Variants in DERA observed in about 807,000 individuals in gnomAD.
DERA encodes the protein 2-deoxy-D-ribose 5-phosphate aldolase.
DERA carries 15 observed loss-of-function variants against 41.1 expected under a neutral mutation model. The ratio of observed to expected loss-of-function variants is 0.37; its 90% CI spans 0.24 to 0.56. The LOEUF is 0.56. Ranked by LOEUF, DERA falls within the 20% of genes least tolerant of loss-of-function variation. The pLI is 0.81. For synonymous variants in DERA, 139 were observed against 137.4 expected, an observed-to-expected ratio of 1.01 and a Z score of -0.08; for missense variants, 396 against 403.4, an observed-to-expected ratio of 0.98 and a Z score of 0.16.
intron 1 of DERA, among the ~76,000 whole-genome samples, chr12:15,925,883 A>G (rs1249969377): frequency 7.2e-6 from 1 of 138,394 alleles, no homozygotes; most frequent in African/African-American, 2.8e-5. Context: ...GCTGGAGTAC[A>G]ATGGCACGAT....
Position 15,959,408 on chromosome 12 carries a change from C to A in DERA, c.278-421C>A, listed in dbSNP as rs554782555. Among the ~76,000 whole-genome samples, 62 of 152,270 alleles carry A rather than the reference C, an allele frequency of 4.1e-4. No individual in the cohort carries two copies. Among genetic ancestry groups the A allele is most frequent in the Non-Finnish European group, 7.6e-4 (52 of 68,016 alleles). On this transcript the variant is annotated intron_variant, in intron 3 of 8. Transcript: ENST00000428559. This position sits in a 1 kb window ranked among gnomAD's most constrained non-coding sequence, Gnocchi z 4.5. ...GTTAAATGTCATTTTTGTGGTACCA[C>A]CCTCTAAATTGTACTTATATTTGTC... is the stretch of plus-strand genomic sequence containing the variant.
In DERA at chr12:16,003,773, C is replaced by T. The variant is rs1003323481; in HGVS notation, c.637+21337C>T. Among the ~76,000 whole-genome samples the T allele has an allele frequency of 1.3e-5, 2 of 152,176 alleles. No homozygotes were observed. Among genetic ancestry groups the T allele is most frequent in the Non-Finnish European group, 2.9e-5 (2 of 68,032 alleles). ...GAGAAGCTCCCAGCTTCCATAACTC[C>T]TCACTGCCCCTTCCCCGCAAAACCC... On this transcript the variant is annotated intron_variant, in intron 6 of 8. Coordinates refer to ENST00000428559, the MANE Select transcript of DERA (RefSeq NM_015954.4). The surrounding 1 kb of genome is among the most constrained non-coding windows in gnomAD (Gnocchi z 4.8).
Position 15,965,870 on chromosome 12 carries a change from CT to C in DERA, c.508+2924del. ...TCCTAAATTCCTTCCCTCGACTGTG[CT>C]GTGGCTCTCATCTCCCCCTGCATTT... On this transcript the variant is annotated intron_variant, in intron 5 of 8. Transcript: ENST00000428559. The surrounding 1 kb of genome is among the most constrained non-coding windows in gnomAD (Gnocchi z 4.1). 6.6e-6 allele frequency among the ~76,000 whole-genome samples: 1 copy of C among 152,142 alleles called. No individual in the cohort carries two copies. The highest frequency in any genetic ancestry group is 3.2e-3 in the Middle Eastern group (1 of 316).
chr12:15,953,165 G>T (rs756914250), intron 1 of DERA, among the ~76,000 whole-genome samples: 3 of 152,070 alleles, frequency 2.0e-5, no homozygotes, highest in Non-Finnish European at 4.4e-5. Context: ...TATCCATTAG[G>T]GTTGTTTTAG....
intron 6 of DERA, among the ~76,000 whole-genome samples, chr12:15,986,995 A>G (rs1479471419): frequency 6.6e-6 from 1 of 152,140 alleles, no homozygotes; most frequent in Non-Finnish European, 1.5e-5. Context: ...TAAATAAGTC[A>G]TTCCATTTCT....
Position 15,911,368 on chromosome 12 carries a change from C to G in DERA, c.-16C>G. The stretch of plus-strand genomic sequence containing the variant: ...GCGGGCGCCTACCAGCCGGCAGCTC[C>G]GGAGCTGCCCGCGCCATGTCCGCGC... On this transcript the variant is annotated 5_prime_UTR_variant, in exon 1 of 9. Transcript: ENST00000428559. The surrounding 1 kb of genome is among the most constrained non-coding windows in gnomAD (Gnocchi z 4.5). 2.1e-6 allele frequency: 3 copies of G among 1,412,082 alleles called. No homozygotes were observed. Among genetic ancestry groups the G allele is most frequent in the Non-Finnish European group, 2.7e-6 (3 of 1,096,162 alleles). 87.5% of individuals were successfully genotyped at this position (1,412,082 alleles called of 1,614,324 possible).
chr12:16,020,556 A>C lies in DERA; in HGVS notation c.638-11986A>C, dbSNP rs1949011774. Reference sequence around the variant, plus strand: ...ATACCAGGAGTGGTGTGTTGCTATAAAGATAGCTGAAAATGTGGGAGCAGC... The same window carrying C: ...ATACCAGGAGTGGTGTGTTGCTATACAGATAGCTGAAAATGTGGGAGCAGC... On this transcript the variant is annotated intron_variant, in intron 6 of 8. Transcript: ENST00000428559. This position sits in a 1 kb window ranked among gnomAD's most constrained non-coding sequence, Gnocchi z 5.5. Among the ~76,000 whole-genome samples the C allele has an allele frequency of 1.3e-5, 2 of 152,232 alleles. No individual in the cohort carries two copies. The highest frequency in any genetic ancestry group is 2.9e-5 in the Non-Finnish European group (2 of 68,044).
Position 15,911,402 on chromosome 12 carries a change from G to T in DERA, c.19G>T (p.Gly7Cys). Residue 7 changes from glycine to cysteine, a missense_variant, in exon 1 of 9, where the codon GGC (glycine) becomes TGC (cysteine). Gly to Cys is a radical substitution (Grantham distance 159). Coordinates refer to ENST00000428559, the MANE Select transcript of DERA (RefSeq NM_015954.4). This position sits in a 1 kb window ranked among gnomAD's most constrained non-coding sequence, Gnocchi z 4.5. MSAHNR[G>C]TELDLSWISK... ...CCGCGCCATGTCCGCGCACAATCGG[G>T]GCACCGAGCTCGGTAAGGGGCCCGC... The T allele has an allele frequency of 7.1e-7, 1 of 1,406,888 alleles. No individual in the cohort carries two copies. Among genetic ancestry groups the T allele is most frequent in the Non-Finnish European group, 9.2e-7 (1 of 1,091,854 alleles). The allele number at this position is 1,406,888 out of a possible 1,614,324, so 87.2% of individuals were successfully genotyped here.
At position 15,940,512 on chromosome 12, in the gene DERA, T is replaced by C. The variant is rs10846254; in HGVS notation, c.32-16424T>C. Among the ~76,000 whole-genome samples the C allele has an allele frequency of 0.3, 45,949 of 151,834 alleles. 7,732 individuals are homozygous for C. The highest frequency in any genetic ancestry group is 0.43 in the African/African-American group (17,934 of 41,362). Reference sequence around the variant, plus strand: ...GACTACAGGCGCATGCCACCACACCTGGCTGATTTTTTGTATTTGTAGTAG... The same window carrying C: ...GACTACAGGCGCATGCCACCACACCCGGCTGATTTTTTGTATTTGTAGTAG... On this transcript the variant is annotated intron_variant, in intron 1 of 8. Transcript: ENST00000428559. The surrounding 1 kb of genome is among the most constrained non-coding windows in gnomAD (Gnocchi z 5.1).
At chr12:15,923,178 A>G in intron 1 of DERA, among the ~76,000 whole-genome samples, 1 of 149,644 alleles carries the variant, frequency 6.7e-6, no homozygotes, top group Non-Finnish European at 1.5e-5. Context: ...GCCCGCCACT[A>G]CGCCCGGCTA....
chr12:15,979,238 A>C (rs1390231179), intron 5 of DERA, among the ~76,000 whole-genome samples: 1 of 152,188 alleles, frequency 6.6e-6, no homozygotes, highest in Non-Finnish European at 1.5e-5. Flanking sequence ...TGAGGGAATA[A>C]GGAGCAGAGA....
In DERA at chr12:15,918,505, A is replaced by G. The variant is rs549524607; in HGVS notation, c.31+7091A>G. 1.2e-4 allele frequency among the ~76,000 whole-genome samples: 19 copies of G among 152,096 alleles called. No homozygotes were observed. Among genetic ancestry groups the G allele is most frequent in the Admixed American group, 7.9e-4 (12 of 15,272 alleles). On this transcript the variant is annotated intron_variant, in intron 1 of 8. Coordinates refer to ENST00000428559, the MANE Select transcript of DERA (RefSeq NM_015954.4). This position sits in a 1 kb window ranked among gnomAD's most constrained non-coding sequence, Gnocchi z 4.3. ...ACCTCCTCTTCAGTGCCCCACCCCA[A>G]CGGTTTAGGACAATCGTTTGGGAAG...
At chr12:16,029,427 AAAAT>A (rs77820032) in intron 6 of DERA, among the ~76,000 whole-genome samples, 116,612 of 150,440 alleles carry the variant, frequency 0.78, 48,044 homozygotes, top group Non-Finnish European at 0.9. Flanking sequence ...ACTCCGTCTC[AAAAT>A]AAATAAATAA....
Position 16,037,299 on chromosome 12 carries a change from TA to T in DERA, c.*554del, listed in dbSNP as rs1171643468. On this transcript the variant is annotated 3_prime_UTR_variant, in exon 9 of 9. Transcript: ENST00000428559. The surrounding 1 kb of genome is among the most constrained non-coding windows in gnomAD (Gnocchi z 6.7). ...TTAAAATAATAAAGTTCCTATAGTT[TA>T]TTTTTTTAAAAAACTTAAAAATTGT... 5 of 152,320 alleles carry T rather than the reference TA, an allele frequency of 3.3e-5. No individual in the cohort carries two copies. The highest frequency in any genetic ancestry group is 1.2e-4 in the African/African-American group (5 of 41,586). The allele number at this position is 152,320 out of a possible 1,614,324, so 9.4% of individuals were successfully genotyped here.
In DERA at chr12:15,938,444, A is replaced by G. The variant is rs1170224324; in HGVS notation, c.32-18492A>G. 6.6e-6 allele frequency among the ~76,000 whole-genome samples: 1 copy of G among 152,192 alleles called. No individual in the cohort carries two copies. Among genetic ancestry groups the G allele is most frequent in the Non-Finnish European group, 1.5e-5 (1 of 68,038 alleles). ...CCAAAAAATGTATTTATATTATCTC[A>G]GCATTATAAAACAACACAAGTTGAA... On this transcript the variant is annotated intron_variant, in intron 1 of 8. Coordinates refer to ENST00000428559, the MANE Select transcript of DERA (RefSeq NM_015954.4). This position sits in a 1 kb window ranked among gnomAD's most constrained non-coding sequence, Gnocchi z 4.1.
rs185526736 is a variant in DERA, at chr12:15,924,928, G to A, written c.31+13514G>A. 9.2e-5 allele frequency among the ~76,000 whole-genome samples: 14 copies of A among 152,308 alleles called. No homozygotes were observed. Among genetic ancestry groups the A allele is most frequent in the Admixed American group, 5.2e-4 (8 of 15,308 alleles). On this transcript the variant is annotated intron_variant, in intron 1 of 8. Transcript: ENST00000428559. The surrounding 1 kb of genome is among the most constrained non-coding windows in gnomAD (Gnocchi z 5.0). ...AGGGTAGGATCTGTGCTTATCGGGC[G>A]TCTGTATCACTTATGTCACCTTGAA...
At chr12:15,964,895 T>A (rs1388122005) in intron 5 of DERA, among the ~76,000 whole-genome samples, 1 of 152,212 alleles carries the variant, frequency 6.6e-6, no homozygotes, top group Non-Finnish European at 1.5e-5. Flanking sequence ...ACTGATAATT[T>A]CCCAATAACA....
rs548139940 is a variant in DERA, at chr12:16,035,602, A to C, written c.751-630A>C. ...ACTACTGGACTATGAGGAGCCCCTC[A>C]CGGTGTTTTTCTACTGCCCTTATGT... On this transcript the variant is annotated intron_variant, in intron 7 of 8. Transcript: ENST00000428559. The surrounding 1 kb of genome is among the most constrained non-coding windows in gnomAD (Gnocchi z 4.1). Among the ~76,000 whole-genome samples the C allele has an allele frequency of 3.3e-5, 5 of 152,316 alleles. No individual in the cohort carries two copies. Among genetic ancestry groups the C allele is most frequent in the Non-Finnish European group, 7.4e-5 (5 of 68,022 alleles).
At position 16,010,028 on chromosome 12, in the gene DERA, G is replaced by A. The variant is rs1434507994; in HGVS notation, c.638-22514G>A. Among the ~76,000 whole-genome samples, 1 of 152,170 alleles carries A rather than the reference G, an allele frequency of 6.6e-6. No individual in the cohort carries two copies. Among genetic ancestry groups the A allele is most frequent in the East Asian group, 1.9e-4 (1 of 5,196 alleles). On this transcript the variant is annotated intron_variant, in intron 6 of 8. Coordinates refer to ENST00000428559, the MANE Select transcript of DERA (RefSeq NM_015954.4). The surrounding 1 kb of genome is among the most constrained non-coding windows in gnomAD (Gnocchi z 5.5). ...GACAGATAAAACCTCTGTATTAAGT[G>A]TGCAGTATAACCTATTCATCTGAAA...
Sources: allele counts gnomAD v4.1 joint callset (sites outside exome capture counted in the v4.1 genomes callset), GRCh38; gene constraint gnomAD v4.1.1; non-coding constraint Gnocchi (gnomAD v3.1); transcripts MANE v1.5; gene names NCBI Gene and HGNC (gene_info 2026-07-23, HGNC 2026-07-21).